The following ZMYM4 variants were observed in gnomAD, a reference collection of about 807,000 sequenced individuals.
ZMYM4 encodes the protein zinc finger MYM-type protein 4.
ZMYM4 carries 31 observed loss-of-function variants against 183.2 expected under a neutral mutation model. The ratio of observed to expected loss-of-function variants is 0.17; its 90% CI spans 0.13 to 0.23. The LOEUF (loss-of-function observed/expected upper bound fraction) is 0.23, where lower values mean the gene tolerates loss of function less well. Among genes scored for constraint, ZMYM4 ranks in the 10% least tolerant of loss-of-function variants. The pLI, the probability that ZMYM4 is intolerant of heterozygous loss-of-function variation, is 1.00. For missense variants in ZMYM4, 1,273 were observed against 1,840.3 expected (o/e 0.69, Z 5.64); for synonymous variants, 592 against 631.2 (o/e 0.94, Z 0.93).
chr1:35,365,563 TGTA>T (rs1644056510), intron 5 of ZMYM4, among the ~76,000 whole-genome samples: 1 of 152,136 alleles, frequency 6.6e-6, no homozygotes, highest in African/African-American at 2.4e-5. Flanking sequence ...GGAAAGAAAA[TGTA>T]GTAATTCAAA....
chr1:35,384,472 A>G (rs1644530235), intron 9 of ZMYM4, among the ~76,000 whole-genome samples: 1 of 152,212 alleles, frequency 6.6e-6, no homozygotes, highest in Non-Finnish European at 1.5e-5. Flanking sequence ...GTGACATGTT[A>G]ATAATACTTA....
At chr1:35,413,159 C>T (rs1186164594) in intron 26 of ZMYM4, among the ~76,000 whole-genome samples, 2 of 151,834 alleles carry the variant, frequency 1.3e-5, no homozygotes, top group Non-Finnish European at 2.9e-5. Flanking sequence ...CCTCCTGCCT[C>T]AGACTCCCAA....
At chr1:35,344,652 ACT>A (rs138354426) in intron 2 of ZMYM4, among the ~76,000 whole-genome samples, 4,603 of 151,820 alleles carry the variant, frequency 0.03, 234 homozygotes, top group East Asian at 0.24. Context: ...TAAATATTAA[ACT>A]CACTTTGCAT....
intron 2 of ZMYM4, among the ~76,000 whole-genome samples, chr1:35,339,297 C>G (rs59396158): frequency 6.6e-6 from 1 of 151,822 alleles, no homozygotes; most frequent in Non-Finnish European, 1.5e-5. Flanking sequence ...TGCAGTGGCG[C>G]GATCTTTGCT....
At chr1:35,412,174 T>C (rs1639941211) in intron 26 of ZMYM4, among the ~76,000 whole-genome samples, 1 of 152,138 alleles carries the variant, frequency 6.6e-6, no homozygotes, top group South Asian at 2.1e-4. Flanking sequence ...CCACCGCACC[T>C]GGCGGGACTT....
chr1:35,352,839 A>C (rs945978275), intron 2 of ZMYM4, among the ~76,000 whole-genome samples: 1 of 152,206 alleles, frequency 6.6e-6, no homozygotes, highest in Non-Finnish European at 1.5e-5. Flanking sequence ...TGTAGTAAAT[A>C]AACTCACTGG....
chr1:35,374,312 G>T (rs924395280), intron 7 of ZMYM4, among the ~76,000 whole-genome samples: 1 of 151,964 alleles, frequency 6.6e-6, no homozygotes, highest in African/African-American at 2.4e-5. Context: ...GGGATTACAG[G>T]CATGAGCCAC....
Position 35,361,218 on chromosome 1 carries a change from A to T in ZMYM4, c.632A>T (p.His211Leu). ...KAANQVEETL[H>L]THLPQTPETN... ...GCTAATCAAGTTGAAGAAACATTAC[A>T]TACCCATTTACCACAAACCCCAGAA... The change falls in exon 4 of 30, where the codon CAT (histidine) becomes CTT (leucine). Residue 211 changes from histidine to leucine, a missense_variant. This residue lies in a region of ZMYM4 where 384 missense variants were observed against 465.6 expected (regional missense o/e 0.82). Coordinates refer to ENST00000314607, the MANE Select transcript of ZMYM4 (RefSeq NM_005095.3). 6.2e-7 allele frequency: 1 copy of T among 1,606,586 alleles called. No individual in the cohort carries two copies. Among genetic ancestry groups the T allele is most frequent in the African/African-American group, 1.3e-5 (1 of 74,480 alleles).
At chr1:35,341,608 T>C (rs914893384) in intron 2 of ZMYM4, among the ~76,000 whole-genome samples, 2 of 151,998 alleles carry the variant, frequency 1.3e-5, no homozygotes, top group Non-Finnish European at 2.9e-5. Context: ...AGTAGGCTTT[T>C]AAAATAAATT....
At chr1:35,338,057 G>T (rs528108395) in intron 2 of ZMYM4, among the ~76,000 whole-genome samples, 1 of 152,286 alleles carries the variant, frequency 6.6e-6, no homozygotes, top group South Asian at 2.1e-4. Flanking sequence ...GTCAGGGAAT[G>T]TTCTTTTGAT....
chr1:35,336,317 G>C (rs184613778), intron 2 of ZMYM4, among the ~76,000 whole-genome samples: 2 of 151,570 alleles, frequency 1.3e-5, no homozygotes, highest in Non-Finnish European at 2.9e-5. Context: ...GTATCCTCAA[G>C]GTTCATCATG....
chr1:35,333,971 A>C, intron 2 of ZMYM4, among the ~76,000 whole-genome samples: 1 of 151,748 alleles, frequency 6.6e-6, no homozygotes, highest in Admixed American at 6.6e-5. Flanking sequence ...CCTTTAATGT[A>C]TGTTTTTGTA....
At chr1:35,278,885 T>G (rs916011769) in intron 1 of ZMYM4, among the ~76,000 whole-genome samples, 1 of 152,178 alleles carries the variant, frequency 6.6e-6, no homozygotes, top group Non-Finnish European at 1.5e-5. Context: ...AAACAACTTA[T>G]CTGCTTCCAA....
At position 35,386,266 on chromosome 1, in the gene ZMYM4, A is replaced by G. The variant is rs923969959; in HGVS notation, c.1836+77A>G. The G allele has an allele frequency of 1.6e-5, 16 of 1,011,912 alleles. 1 individual carries two copies. Among genetic ancestry groups the G allele is most frequent in the Non-Finnish European group, 2.4e-5 (16 of 665,220 alleles). The allele number at this position is 1,011,912 out of a possible 1,614,324, so 62.7% of individuals were successfully genotyped here. ...TGAGTCTGTTCTTGCACTCCTCTAAAGAAATACCCTAGACTGGGTAATTTA... is the reference window on the plus strand; with the variant it reads ...TGAGTCTGTTCTTGCACTCCTCTAAGGAAATACCCTAGACTGGGTAATTTA... On this transcript the variant is annotated intron_variant, in intron 11 of 29. Coordinates refer to ENST00000314607, the MANE Select transcript of ZMYM4 (RefSeq NM_005095.3).
intron 2 of ZMYM4, among the ~76,000 whole-genome samples, chr1:35,358,544 A>G (rs998403302): frequency 1.1e-4 from 16 of 152,182 alleles, no homozygotes; most frequent in African/African-American, 3.9e-4. Context: ...CCTCACCACA[A>G]ATTTATCTCC....
At chr1:35,390,441 G>A (rs1234918184) in intron 15 of ZMYM4, among the ~76,000 whole-genome samples, 1 of 151,882 alleles carries the variant, frequency 6.6e-6, no homozygotes, top group Non-Finnish European at 1.5e-5. Flanking sequence ...TCTCTGGCGA[G>A]CAGGAGTGGG....
At chr1:35,279,528 T>C (rs1640039336) in intron 1 of ZMYM4, among the ~76,000 whole-genome samples, 1 of 152,228 alleles carries the variant, frequency 6.6e-6, no homozygotes, top group Non-Finnish European at 1.5e-5. Context: ...TAACAGTGAA[T>C]TTCCTAATTT....
At chr1:35,320,926 T>C (rs1005051242) in intron 1 of ZMYM4, among the ~76,000 whole-genome samples, 3 of 152,246 alleles carry the variant, frequency 2.0e-5, no homozygotes, top group African/African-American at 7.2e-5. Context: ...TGATTTCATT[T>C]AGGTTCTATT....
chr1:35,388,892 A>G lies in ZMYM4; in HGVS notation c.2264-18A>G, dbSNP rs973205421. On this transcript the variant is annotated intron_variant, in intron 13 of 29. Coordinates refer to ENST00000314607, the MANE Select transcript of ZMYM4 (RefSeq NM_005095.3). The stretch of plus-strand genomic sequence containing the variant: ...AATACTTCTACCTAATGTTAATTTT[A>G]TCTTTCCTGATTTTTAGGTTGCAAA... The G allele has an allele frequency of 1.9e-6, 3 of 1,612,274 alleles. No individual in the cohort carries two copies. In the African/African-American group the frequency reaches 4.0e-5, roughly 22 times the overall value.
Sources: allele counts gnomAD v4.1 joint callset (sites outside exome capture counted in the v4.1 genomes callset), GRCh38; gene constraint gnomAD v4.1.1; regional missense constraint gnomAD v4.1.1; transcripts MANE v1.5; gene names NCBI Gene and HGNC (gene_info 2026-07-23, HGNC 2026-07-21).